The following PCCA variants were observed in gnomAD, a reference collection of about 807,000 sequenced individuals.
PCCA encodes propionyl-CoA carboxylase subunit alpha, also known as propionyl-CoA carboxylase alpha chain, mitochondrial.
A neutral mutation model predicts 101.3 loss-of-function variants in PCCA; 74 were observed. The ratio of observed to expected loss-of-function variants is 0.73; its 90% CI spans 0.61 to 0.89. PCCA has a LOEUF of 0.89. Among genes scored for constraint, PCCA ranks in the 40% least tolerant of loss-of-function variants. The probability of loss-of-function intolerance (pLI) is 0.00; values close to 1 mark genes in which losing one functional copy is unlikely to be tolerated. For synonymous variants in PCCA, 294 were observed against 313.6 expected, an observed-to-expected ratio of 0.94 and a Z score of 0.66; for missense variants, 891 against 907.0, an observed-to-expected ratio of 0.98 and a Z score of 0.23.
At position 100,157,295 on chromosome 13, in the gene PCCA, A is replaced by G; in HGVS notation, c.423A>G (p.Pro141=). The change falls in exon 6 of 24, where the codon CCA becomes CCG. Residue 141 remains proline, a synonymous_variant. Coordinates refer to ENST00000376285, the MANE Select transcript of PCCA (RefSeq NM_000282.4). ...IKKTRAQAVH[P]GYGFLSENKE... ...TTGCTTTCATTTCTAAGGTACATCCAGGTTATGGATTCCTTTCAGAAAACA... is the reference window on the plus strand; with the variant it reads ...TTGCTTTCATTTCTAAGGTACATCCGGGTTATGGATTCCTTTCAGAAAACA... The G allele has an allele frequency of 6.2e-7, 1 of 1,610,174 alleles. No homozygotes were observed. Among genetic ancestry groups the G allele is most frequent in the Non-Finnish European group, 8.5e-7 (1 of 1,176,574 alleles).
intron 4 of PCCA, among the ~76,000 whole-genome samples, chr13:100,124,752 A>G (rs2049783042): frequency 6.6e-6 from 1 of 152,156 alleles, no homozygotes; most frequent in Non-Finnish European, 1.5e-5. Flanking sequence ...AAACTTTTCA[A>G]CATTTTATGG....
At chr13:100,350,342 TAA>T (rs10709727) in intron 18 of PCCA, among the ~76,000 whole-genome samples, 3 of 151,740 alleles carry the variant, frequency 2.0e-5, no homozygotes, top group East Asian at 1.9e-4. Flanking sequence ...AACTATACAA[TAA>T]AAAAAAATAG....
intron 21 of PCCA, among the ~76,000 whole-genome samples, chr13:100,482,186 C>T (rs1478649406): frequency 2.6e-5 from 4 of 152,120 alleles, no homozygotes; most frequent in African/African-American, 4.8e-5. Context: ...GCGATAGCCA[C>T]GTAGGGCTGG....
At chr13:100,194,211 CT>C (rs2057944605) in intron 6 of PCCA, among the ~76,000 whole-genome samples, 1 of 152,144 alleles carries the variant, frequency 6.6e-6, no homozygotes, top group Admixed American at 6.5e-5. Context: ...GTACAGCATA[CT>C]TTACCTAAAC....
chr13:100,179,517 A>C (rs1039339993), intron 6 of PCCA, among the ~76,000 whole-genome samples: 10 of 152,142 alleles, frequency 6.6e-5, no homozygotes, highest in Non-Finnish European at 1.5e-4. Context: ...TTTTCAGCTC[A>C]GTTTGGTCAT....
intron 18 of PCCA, among the ~76,000 whole-genome samples, chr13:100,364,973 C>T (rs1196735951): frequency 2.0e-5 from 3 of 152,088 alleles, no homozygotes; most frequent in African/African-American, 7.2e-5. Context: ...CATTTGAGCC[C>T]AGGAGTTCCA....
At chr13:100,092,626 T>G (rs1169919367) in intron 1 of PCCA, among the ~76,000 whole-genome samples, 2 of 152,214 alleles carry the variant, frequency 1.3e-5, no homozygotes, top group Non-Finnish European at 2.9e-5. Flanking sequence ...ACTCCTGAAC[T>G]CAAGCAATCC....
intron 19 of PCCA, among the ~76,000 whole-genome samples, chr13:100,388,119 A>G (rs538155796): frequency 6.6e-6 from 1 of 152,230 alleles, no homozygotes; most frequent in Non-Finnish European, 1.5e-5. Context: ...TAAAATATTT[A>G]TAGTAGTCAA....
chr13:100,408,385 C>T (rs1567082941), intron 19 of PCCA, among the ~76,000 whole-genome samples: 1 of 152,220 alleles, frequency 6.6e-6, no homozygotes, highest in Admixed American at 6.5e-5. Flanking sequence ...ATTTTGACAA[C>T]ATCTGCTCTT....
chr13:100,281,723 C>T (rs1489759847), intron 12 of PCCA, among the ~76,000 whole-genome samples: 1 of 152,048 alleles, frequency 6.6e-6, no homozygotes, highest in East Asian at 1.9e-4. Flanking sequence ...TGGGAGTATT[C>T]CATGCCTAAT....
intron 1 of PCCA, among the ~76,000 whole-genome samples, chr13:100,098,782 C>G (rs2047005409): frequency 1.3e-5 from 2 of 152,152 alleles, no homozygotes; most frequent in African/African-American, 4.8e-5. Context: ...TCTTGAACAT[C>G]TCTCTCAAAT....
intron 20 of PCCA, among the ~76,000 whole-genome samples, chr13:100,447,078 A>G (rs1442882587): frequency 6.6e-6 from 1 of 152,142 alleles, no homozygotes; most frequent in Non-Finnish European, 1.5e-5. Flanking sequence ...TTTCCTCAGG[A>G]TAAATTCTTA....
At chr13:100,385,731 T>C (rs1404994127) in intron 19 of PCCA, among the ~76,000 whole-genome samples, 1 of 152,160 alleles carries the variant, frequency 6.6e-6, no homozygotes, top group Non-Finnish European at 1.5e-5. Context: ...CCAGTGATCC[T>C]CCCACCTCAG....
At chr13:100,353,281 C>T (rs1403541538) in intron 18 of PCCA, among the ~76,000 whole-genome samples, 1 of 152,128 alleles carries the variant, frequency 6.6e-6, no homozygotes, top group East Asian at 1.9e-4. Flanking sequence ...ATCTAACAGA[C>T]ATCTCTAGAA....
chr13:100,105,239 G>A (rs1415216487), intron 2 of PCCA, among the ~76,000 whole-genome samples: 3 of 152,020 alleles, frequency 2.0e-5, no homozygotes, highest in Non-Finnish European at 2.9e-5. Context: ...GTGGCCAGTG[G>A]CTACTATATT....
chr13:100,244,605 A>G (rs940251618), intron 8 of PCCA, among the ~76,000 whole-genome samples: 23 of 151,822 alleles, frequency 1.5e-4, no homozygotes, highest in Middle Eastern at 3.4e-3. Flanking sequence ...TAATGTGAAA[A>G]AAACATTGCT....
rs531801685 is a variant in PCCA, at chr13:100,205,946, A to G, written c.469-3386A>G. On this transcript the variant is annotated intron_variant, in intron 6 of 23. Transcript: ENST00000376285. ...TTATTGTCCTGGTCCGAAATGATTC[A>G]TGTATCCACCTGGAGACGTAGAGTT... Among the ~76,000 whole-genome samples, 169 of 152,290 alleles carry G rather than the reference A, an allele frequency of 1.1e-3. 2 individuals are homozygous for G. Among genetic ancestry groups the G allele is most frequent in the Admixed American group, 0.011 (165 of 15,278 alleles).
In PCCA at chr13:100,300,572, C is replaced by G. The variant is rs548604255; in HGVS notation, c.1066-888C>G. 2.0e-5 allele frequency among the ~76,000 whole-genome samples: 3 copies of G among 152,264 alleles called. No homozygotes were observed. The East Asian group carries it at 5.8e-4, about 29-fold the overall frequency. Reference sequence around the variant, plus strand: ...AATTTTTATGAGAAAAAAATGACATCAAAGCAGCAGATGTGGCCAAAGTTT... The same window carrying G: ...AATTTTTATGAGAAAAAAATGACATGAAAGCAGCAGATGTGGCCAAAGTTT... On this transcript the variant is annotated intron_variant, in intron 12 of 23. Coordinates refer to ENST00000376285, the MANE Select transcript of PCCA (RefSeq NM_000282.4).
At chr13:100,514,059 C>T (rs1168868478) in intron 21 of PCCA, among the ~76,000 whole-genome samples, 2 of 152,208 alleles carry the variant, frequency 1.3e-5, no homozygotes, top group Admixed American at 6.5e-5. Context: ...CGTGCACTCT[C>T]CTCGCTTTTT....
Sources: allele counts gnomAD v4.1 joint callset (sites outside exome capture counted in the v4.1 genomes callset), GRCh38; gene constraint gnomAD v4.1.1; transcripts MANE v1.5; gene names NCBI Gene and HGNC (gene_info 2026-07-23, HGNC 2026-07-21).